Variants in GPBP1 observed in about 807,000 individuals in gnomAD.
GPBP1 encodes vasculin.
In GPBP1, 13 loss-of-function variants were observed where a neutral mutation model predicts 56.5. That is an observed-to-expected ratio of 0.23 (90% CI 0.15 to 0.37). The LOEUF (loss-of-function observed/expected upper bound fraction) is 0.37. Ranked by LOEUF, GPBP1 falls within the 10% of genes least tolerant of loss-of-function variation. The pLI, the probability that GPBP1 is intolerant of heterozygous loss-of-function variation, is 1.00. For missense variants in GPBP1, 477 were observed against 572.3 expected, an observed-to-expected ratio of 0.83 and a Z score of 1.70; for synonymous variants, 204 against 188.9, an observed-to-expected ratio of 1.08 and a Z score of -0.66.
intron 10 of GPBP1, among the ~76,000 whole-genome samples, chr5:57,256,842 A>G (rs1327474169): frequency 6.6e-6 from 1 of 152,130 alleles, no homozygotes; most frequent in East Asian, 1.9e-4. Flanking sequence ...GTATATCAAT[A>G]CCTTTTTCCC....
chr5:57,179,347 TTG>T (rs57689384), intron 2 of GPBP1, among the ~76,000 whole-genome samples: 15 of 149,328 alleles, frequency 1.0e-4, no homozygotes, highest in South Asian at 6.4e-4. Context: ...TTAGCTAAAA[TTG>T]TGTGTGTGTG....
At chr5:57,211,576 T>TTTGTTGTTGTTG (rs71287163) in intron 2 of GPBP1, among the ~76,000 whole-genome samples, 4,843 of 151,006 alleles carry the variant, frequency 0.032, 205 homozygotes, top group African/African-American at 0.1. Flanking sequence ...CTCCGGGGAT[T>TTTGTTGTTGTTG]TTGTTGTTGT....
chr5:57,255,911 A>G (rs1741636361), intron 10 of GPBP1, among the ~76,000 whole-genome samples: 3 of 152,206 alleles, frequency 2.0e-5, no homozygotes, highest in Admixed American at 1.3e-4. Flanking sequence ...CTCTGTGACT[A>G]CTAACAGGAG....
chr5:57,251,211 C>A, intron 10 of GPBP1, 70 bp downstream of exon 10: 1 of 1,301,868 alleles, frequency 7.7e-7, no homozygotes, highest in Non-Finnish European at 1.1e-6. Context: ...AGAGTTTTTA[C>A]GTGATTTAAC....
intron 2 of GPBP1, among the ~76,000 whole-genome samples, chr5:57,204,723 A>G (rs912271493): frequency 3.4e-4 from 52 of 152,198 alleles, no homozygotes; most frequent in African/African-American, 1.2e-3. Flanking sequence ...CAGGCACACA[A>G]TATCAGTTTG....
At chr5:57,229,540 T>C (rs1463086569) in intron 3 of GPBP1, among the ~76,000 whole-genome samples, 2 of 152,068 alleles carry the variant, frequency 1.3e-5, no homozygotes, top group African/African-American at 2.4e-5. Flanking sequence ...TTTCCTTTTC[T>C]TTTTTTGATG....
chr5:57,205,254 T>A (rs1009693778), intron 2 of GPBP1, among the ~76,000 whole-genome samples: 6 of 152,236 alleles, frequency 3.9e-5, no homozygotes. Flanking sequence ...ATACTCAGCA[T>A]GTGTTAGTAA....
chr5:57,237,347 A>G (rs1372011151), intron 6 of GPBP1: 6 of 616,964 alleles, frequency 9.7e-6, no homozygotes, highest in African/African-American at 1.8e-5. Context: ...AAAACTATCT[A>G]TAGATACTAT....
intron 2 of GPBP1, among the ~76,000 whole-genome samples, chr5:57,183,199 C>T (rs553633053): frequency 4.5e-4 from 68 of 152,036 alleles, no homozygotes; most frequent in African/African-American, 1.6e-3. Context: ...AACCCCGTCT[C>T]TAATAAAAAT....
intron 3 of GPBP1, among the ~76,000 whole-genome samples, chr5:57,229,392 TG>T (rs112819241): frequency 5.8e-4 from 88 of 152,284 alleles, no homozygotes; most frequent in African/African-American, 2.1e-3. Context: ...ATGTGATTTG[TG>T]GCTCTTTAAT....
Position 57,247,205 on chromosome 5 carries a change from C to G in GPBP1, c.794C>G (p.Ser265Ter), listed in dbSNP as rs1201299764. The G allele has an allele frequency of 6.2e-7, 1 of 1,612,178 alleles. No individual in the cohort carries two copies. Among genetic ancestry groups the G allele is most frequent in the Non-Finnish European group, 8.5e-7 (1 of 1,179,160 alleles). The change falls in exon 8 of 12, where the codon TCA becomes TGA. Residue 265 changes from serine (S) to a stop codon, truncating the protein, a stop_gained. Transcript: ENST00000506184. LOFTEE classifies it high-confidence loss of function. Reference sequence around the variant, plus strand: ...AAGAACTTTAGTCCATCTACAAATTCAGTGAAAGAGGTATGACATTAAAAA... The same window carrying G: ...AAGAACTTTAGTCCATCTACAAATTGAGTGAAAGAGGTATGACATTAAAAA... The part of the protein sequence containing the change: ...TAKNFSPSTN[S>*]VKECNRSNSS...
chr5:57,185,217 C>G (rs1754230518), intron 2 of GPBP1, among the ~76,000 whole-genome samples: 1 of 151,612 alleles, frequency 6.6e-6, no homozygotes, highest in Non-Finnish European at 1.5e-5. Flanking sequence ...TATCACCAGC[C>G]CTCTTTAAAA....
chr5:57,216,609 C>T (rs191133071), intron 3 of GPBP1, among the ~76,000 whole-genome samples: 2 of 151,956 alleles, frequency 1.3e-5, no homozygotes, highest in East Asian at 3.9e-4. Context: ...TCACTTGAAC[C>T]CGGGAGGTAG....
At chr5:57,253,037 C>T (rs944334823) in intron 10 of GPBP1, among the ~76,000 whole-genome samples, 1 of 152,136 alleles carries the variant, frequency 6.6e-6, no homozygotes, top group Admixed American at 6.6e-5. Flanking sequence ...GCACTTTTTG[C>T]TTCCATCAGT....
In GPBP1 at chr5:57,200,704, A is replaced by G. The variant is rs375575790; in HGVS notation, c.-57-13370A>G. 7.0e-4 allele frequency among the ~76,000 whole-genome samples: 106 copies of G among 151,498 alleles called. 1 individual carries two copies. Among genetic ancestry groups the G allele is most frequent in the African/African-American group, 2.6e-3 (106 of 41,264 alleles). On this transcript the variant is annotated intron_variant, in intron 2 of 11. Coordinates refer to ENST00000506184, the MANE Select transcript of GPBP1 (RefSeq NM_022913.4). ...ATAACAAAACTTACTTTTGTATCTT[A>G]AGGGATACACTCCGTTGCCCAGGCT...
chr5:57,201,266 A>T (rs571060970), intron 2 of GPBP1, among the ~76,000 whole-genome samples: 1 of 152,300 alleles, frequency 6.6e-6, no homozygotes, highest in South Asian at 2.1e-4. Flanking sequence ...ACTGGGACTT[A>T]CAAGTGTGTG....
At chr5:57,200,786 A>G (rs939701480) in intron 2 of GPBP1, among the ~76,000 whole-genome samples, 4 of 152,164 alleles carry the variant, frequency 2.6e-5, no homozygotes, top group Non-Finnish European at 5.9e-5. Flanking sequence ...GGTTCACGCC[A>G]TTCTCCTGCC....
intron 2 of GPBP1, among the ~76,000 whole-genome samples, chr5:57,184,112 A>G (rs1463579639): frequency 6.6e-6 from 1 of 151,674 alleles, no homozygotes; most frequent in Non-Finnish European, 1.5e-5. Context: ...CATACCTGTA[A>G]TCCCAGCTAC....
At chr5:57,189,150 C>T (rs1316389980) in intron 2 of GPBP1, among the ~76,000 whole-genome samples, 1 of 151,976 alleles carries the variant, frequency 6.6e-6, no homozygotes, top group East Asian at 1.9e-4. Context: ...AAGACAGTCT[C>T]GCTCTGTCCC....
Sources: allele counts gnomAD v4.1 joint callset (sites outside exome capture counted in the v4.1 genomes callset), GRCh38; gene constraint gnomAD v4.1.1; transcripts MANE v1.5; gene names NCBI Gene and HGNC (gene_info 2026-07-23, HGNC 2026-07-21).